Variants in MAP2K1 observed in about 807,000 individuals in gnomAD.
MAP2K1 encodes the protein dual specificity mitogen-activated protein kinase kinase 1.
In MAP2K1, 16 loss-of-function variants were observed where a neutral mutation model predicts 46.3. The ratio of observed to expected loss-of-function variants is 0.35; its 90% CI spans 0.23 to 0.52. The LOEUF (loss-of-function observed/expected upper bound fraction) is 0.52, where lower values mean the gene tolerates loss of function less well. Ranked by LOEUF, MAP2K1 falls within the 20% of genes least tolerant of loss-of-function variation. The probability of loss-of-function intolerance (pLI) is 0.94; values close to 1 mark genes in which losing one functional copy is unlikely to be tolerated. For synonymous variants in MAP2K1, 183 were observed against 185.6 expected, an observed-to-expected ratio of 0.99 and a Z score of 0.11; for missense variants, 263 against 497.1, an observed-to-expected ratio of 0.53 and a Z score of 4.48.
intron 1 of MAP2K1, among the ~76,000 whole-genome samples, chr15:66,422,964 G>GT (rs1210984733): frequency 8.7e-5 from 13 of 149,988 alleles, no homozygotes; most frequent in East Asian, 5.9e-4. Flanking sequence ...TTGTTTTTTT[G>GT]TTTTTTTGAG....
rs1254437437 is a variant in MAP2K1, at chr15:66,479,095, T to G, written c.569-2660T>G. On this transcript the variant is annotated intron_variant, in intron 5 of 10. Transcript: ENST00000307102. ...TTGCTGGATCTCTTGGGCCTTAGCC[T>G]TCTTTTTTTTTTTTTGGAGACAGAG... 5.3e-5 allele frequency among the ~76,000 whole-genome samples: 8 copies of G among 151,772 alleles called. No homozygotes were observed. In the East Asian group the frequency reaches 5.8e-4, roughly 11 times the overall value.
chr15:66,461,015 A>T (rs1892305887), intron 5 of MAP2K1, among the ~76,000 whole-genome samples: 1 of 152,094 alleles, frequency 6.6e-6, no homozygotes, highest in South Asian at 2.1e-4. Flanking sequence ...TTTCTAATGG[A>T]AACCTGAGGC....
intron 10 of MAP2K1, chr15:66,490,233 C>T: frequency 3.3e-6 from 2 of 600,532 alleles, no homozygotes; most frequent in East Asian, 3.1e-5. Context: ...TCTAACAAGC[C>T]TGTGAGGCAT....
intron 3 of MAP2K1, among the ~76,000 whole-genome samples, chr15:66,440,090 G>GT (rs1010015086): frequency 2.4e-4 from 36 of 147,514 alleles, no homozygotes; most frequent in Admixed American, 8.6e-4. Context: ...GTGGGGTTCT[G>GT]TTTTTGTTTG....
chr15:66,423,494 C>T (rs1180098266), intron 1 of MAP2K1, among the ~76,000 whole-genome samples: 1 of 149,710 alleles, frequency 6.7e-6, no homozygotes, highest in Non-Finnish European at 1.5e-5. Context: ...GGCTAGAGTA[C>T]AGTGGTGCAA....
intron 1 of MAP2K1, among the ~76,000 whole-genome samples, chr15:66,415,565 C>T (rs2093422688): frequency 1.3e-5 from 2 of 152,168 alleles, no homozygotes; most frequent in Non-Finnish European, 2.9e-5. Context: ...AGTTTCTGTC[C>T]CAGCTCTTTA....
intron 5 of MAP2K1, among the ~76,000 whole-genome samples, chr15:66,462,315 C>T (rs891109996): frequency 3.3e-5 from 5 of 151,970 alleles, no homozygotes; most frequent in Non-Finnish European, 7.4e-5. Flanking sequence ...GCCTGGCCAA[C>T]ATGGTGAAAC....
intron 1 of MAP2K1, among the ~76,000 whole-genome samples, chr15:66,418,614 T>C (rs145914338): frequency 3.8e-3 from 585 of 152,304 alleles, no homozygotes; most frequent in Non-Finnish European, 7.3e-3. Context: ...CCCCACTGTT[T>C]AGTGGTCACC....
intron 7 of MAP2K1, among the ~76,000 whole-genome samples, chr15:66,486,064 A>T (rs1025529764): frequency 6.6e-6 from 1 of 151,706 alleles, no homozygotes; most frequent in African/African-American, 2.4e-5. Flanking sequence ...ATGCCTGACT[A>T]ATTTTTTTAA....
At chr15:66,419,144 T>G (rs544478583) in intron 1 of MAP2K1, among the ~76,000 whole-genome samples, 9 of 151,572 alleles carry the variant, frequency 5.9e-5, no homozygotes, top group Admixed American at 1.3e-4. Context: ...TTTTTTGTCT[T>G]ATAACTTCTG....
intron 1 of MAP2K1, among the ~76,000 whole-genome samples, chr15:66,389,265 C>T (rs1595833006): frequency 1.3e-5 from 2 of 152,294 alleles, no homozygotes; most frequent in African/African-American, 4.8e-5. Flanking sequence ...AAAGTCATGA[C>T]TGTTGTTAGG....
chr15:66,438,866 G>A (rs1328847891), intron 3 of MAP2K1, among the ~76,000 whole-genome samples: 3 of 152,214 alleles, frequency 2.0e-5, no homozygotes, highest in Non-Finnish European at 2.9e-5. Context: ...CGATGGGGGA[G>A]GGTTAGGCCT....
Position 66,387,443 on chromosome 15 carries a change from G to C in MAP2K1, c.80+16G>C, listed in dbSNP as rs2093344275. ...GCTCTGCGGAGTAAGTATGGGGCGG[G>C]CGGTGAACCTCGGGGCCCGGCTGGG... On this transcript the variant is annotated intron_variant, in intron 1 of 10. Transcript: ENST00000307102. 1 of 1,552,508 alleles carries C rather than the reference G, an allele frequency of 6.4e-7. No homozygotes were observed. The highest frequency in any genetic ancestry group is 8.7e-7 in the Non-Finnish European group (1 of 1,147,416).
intron 3 of MAP2K1, among the ~76,000 whole-genome samples, chr15:66,438,415 CT>C (rs2093494633): frequency 1.3e-5 from 2 of 152,248 alleles, no homozygotes; most frequent in South Asian, 4.1e-4. Flanking sequence ...ACATTGACCT[CT>C]TTTGAGATAC....
intron 1 of MAP2K1, among the ~76,000 whole-genome samples, chr15:66,420,877 A>ATATGTGTG (rs1329989163): frequency 1.5e-4 from 19 of 123,000 alleles, no homozygotes; most frequent in African/African-American, 5.1e-4. Context: ...ATGTGTGTAT[A>ATATGTGTG]TATATGTGTA....
At chr15:66,389,572 G>GTTT (rs375412152) in intron 1 of MAP2K1, among the ~76,000 whole-genome samples, 1,260 of 86,946 alleles carry the variant, frequency 0.014, 52 homozygotes, top group East Asian at 0.056. Flanking sequence ...CTCTGTTGTG[G>GTTT]TTTTTTTTTT....
intron 1 of MAP2K1, among the ~76,000 whole-genome samples, chr15:66,402,166 C>T (rs1301568225): frequency 7.2e-5 from 11 of 152,074 alleles, no homozygotes; most frequent in Admixed American, 7.2e-4. Context: ...TGTTTTTTGA[C>T]TGGGCATTAT....
At chr15:66,433,309 T>G (rs1244689788) in intron 1 of MAP2K1, among the ~76,000 whole-genome samples, 1 of 152,140 alleles carries the variant, frequency 6.6e-6, no homozygotes, top group East Asian at 1.9e-4. Context: ...TGATAACATA[T>G]CATAGACTAA....
chr15:66,461,723 C>G (rs1257878564), intron 5 of MAP2K1, among the ~76,000 whole-genome samples: 1 of 152,062 alleles, frequency 6.6e-6, no homozygotes, highest in Non-Finnish European at 1.5e-5. Context: ...TAACAGGCAC[C>G]AAATCCCCAA....
Sources: allele counts gnomAD v4.1 joint callset (sites outside exome capture counted in the v4.1 genomes callset), GRCh38; gene constraint gnomAD v4.1.1; transcripts MANE v1.5; gene names NCBI Gene and HGNC (gene_info 2026-07-23, HGNC 2026-07-21).